CATSPERG: variants seen among roughly 807,000 people sequenced by gnomAD.
The protein encoded by CATSPERG is catsper channel auxiliary subunit gamma.
In CATSPERG, 115 loss-of-function variants were observed where a neutral mutation model predicts 145.0. The ratio of observed to expected loss-of-function variants is 0.79; its 90% CI spans 0.68 to 0.93. The LOEUF is 0.93. Among genes scored for constraint, CATSPERG ranks in the 40% least tolerant of loss-of-function variants. The pLI is 0.00. For synonymous variants in CATSPERG, 588 were observed against 589.0 expected, an observed-to-expected ratio of 1.00 and a Z score of 0.02; for missense variants, 1,296 against 1,490.1, an observed-to-expected ratio of 0.87 and a Z score of 2.14.
At chr19:38,356,131 A>G (rs1455002067) in intron 9 of CATSPERG, among the ~76,000 whole-genome samples, 1 of 152,122 alleles carries the variant, frequency 6.6e-6, no homozygotes, top group African/African-American at 2.4e-5. Flanking sequence ...TCCTCCATGG[A>G]GGTTAAAGGT....
chr19:38,344,340 A>T lies in CATSPERG; in HGVS notation c.641A>T (p.Asn214Ile), dbSNP rs958614806. Reference sequence around the variant, plus strand: ...GGCTTCCTGAAGAGAGACCGGGACAATAACATCCAATTCACTGTGGGAGAG... The same window carrying T: ...GGCTTCCTGAAGAGAGACCGGGACATTAACATCCAATTCACTGTGGGAGAG... ...INGFLKRDRD[N>I]NIQFTVGEEL... The change falls in exon 6 of 29, where the codon AAT becomes ATT. Residue 214 changes from asparagine (N) to isoleucine (I), a missense_variant. Asn to Ile is a moderately radical substitution (Grantham distance 149). Transcript: ENST00000409235. 1.9e-6 allele frequency: 3 copies of T among 1,551,714 alleles called. No homozygotes were observed. Among genetic ancestry groups the T allele is most frequent in the African/African-American group, 2.7e-5 (2 of 73,040 alleles).
intron 3 of CATSPERG, among the ~76,000 whole-genome samples, chr19:38,339,800 G>A (rs1235880356): frequency 4.0e-5 from 6 of 151,860 alleles, no homozygotes; most frequent in Non-Finnish European, 8.8e-5. Context: ...TATATGGTGT[G>A]AGGTCCAAGC....
intron 17 of CATSPERG, 24 bp downstream of exon 17, chr19:38,361,885 C>CG: frequency 6.3e-7 from 1 of 1,580,584 alleles, no homozygotes; most frequent in Non-Finnish European, 8.6e-7. Context: ...GGCGGGCGGG[C>CG]AGGCCTGAGA....
chr19:38,362,583 G>C lies in CATSPERG; in HGVS notation c.2356+9G>C, dbSNP rs755809178. ...GACGCAGTCAGAACTCGGTCTGCGC[G>C]GGACCAGAGTGGAGCCCGAAGGGCG... On this transcript the variant is annotated intron_variant, in intron 19 of 28. Transcript: ENST00000409235. 1.2e-5 allele frequency: 20 copies of C among 1,613,596 alleles called. No individual in the cohort carries two copies. Among genetic ancestry groups the C allele is most frequent in the Non-Finnish European group, 1.7e-5 (20 of 1,179,918 alleles).
intron 4 of CATSPERG, 92 bp downstream of exon 4, chr19:38,343,816 G>C (rs1969978360): frequency 6.9e-7 from 1 of 1,452,236 alleles, no homozygotes; most frequent in African/African-American, 1.4e-5. Flanking sequence ...AGGAGGGTAT[G>C]TGGGGGGCGG....
intron 6 of CATSPERG, among the ~76,000 whole-genome samples, chr19:38,344,892 TATATA>T (rs1970009423): frequency 9.3e-6 from 1 of 107,346 alleles, no homozygotes; most frequent in Non-Finnish European, 1.9e-5. Flanking sequence ...CATATATATA[TATATA>T]TATATTTTTT....
intron 21 of CATSPERG, 42 bp from the exon 22 acceptor site, chr19:38,365,019 G>T (rs1970423992): frequency 3.7e-6 from 6 of 1,613,754 alleles, no homozygotes; most frequent in Non-Finnish European, 5.1e-6. Context: ...GGGAAAGCCT[G>T]GGCCGGCGGG....
At chr19:38,343,952 G>A (rs1484851633) in intron 4 of CATSPERG, 41 bp from the exon 5 acceptor site, 6 of 1,545,114 alleles carry the variant, frequency 3.9e-6, no homozygotes, top group Non-Finnish European at 5.2e-6. Flanking sequence ...ACCGGCCATT[G>A]GGAGGCCCCA....
chr19:38,357,952 GAAAA>G (rs796672861), intron 11 of CATSPERG: 3 of 220,916 alleles, frequency 1.4e-5, no homozygotes, highest in African/African-American at 7.2e-5. Flanking sequence ...ACTCCATCTC[GAAAA>G]AAAAAAAAAT....
chr19:38,343,728 G>T lies in CATSPERG; in HGVS notation c.469+4G>T, dbSNP rs760337889. 1 of 1,549,444 alleles carries T rather than the reference G, an allele frequency of 6.5e-7. No homozygotes were observed. The highest frequency in any genetic ancestry group is 1.2e-5 in the South Asian group (1 of 84,040). ...GCTGCCCCCTTCCGCAGCAAAGGTGGGCCTGGGGGAGGCGGGAGGGATCGC... is the reference window on the plus strand; with the variant it reads ...GCTGCCCCCTTCCGCAGCAAAGGTGTGCCTGGGGGAGGCGGGAGGGATCGC... On this transcript the variant is annotated splice_donor_region_variant and intron_variant, in intron 4 of 28. Transcript: ENST00000409235.
intron 3 of CATSPERG, among the ~76,000 whole-genome samples, chr19:38,341,595 C>A (rs1006212969): frequency 1.3e-5 from 2 of 152,068 alleles, no homozygotes; most frequent in African/African-American, 2.4e-5. Context: ...GAGACCCTGT[C>A]TCTACAAAAA....
In CATSPERG at chr19:38,358,305, A is replaced by G; in HGVS notation, c.1343A>G (p.His448Arg). Residue 448 changes from histidine to arginine, a missense_variant, in exon 12 of 29, where the codon CAC becomes CGC. By Grantham distance (29) the His-to-Arg change is conservative. Transcript: ENST00000409235. Reference sequence around the variant, plus strand: ...AGTGATGACCTGGAACTTCTCTACCACATCCCAGAATTCATCCCTGAAGGT... The same window carrying G: ...AGTGATGACCTGGAACTTCTCTACCGCATCCCAGAATTCATCCCTGAAGGT... ...TASDDLELLYHIPEFIPEARG... is the reference protein window; with the variant it reads ...TASDDLELLYRIPEFIPEARG... 1 of 1,614,148 alleles carries G rather than the reference A, an allele frequency of 6.2e-7. No individual in the cohort carries two copies. Among genetic ancestry groups the G allele is most frequent in the African/African-American group, 1.3e-5 (1 of 75,028 alleles).
At chr19:38,367,335 T>C (rs751366922) in intron 23 of CATSPERG, 23 bp downstream of exon 23, 11 of 1,605,008 alleles carry the variant, frequency 6.9e-6, no homozygotes, top group Non-Finnish European at 9.3e-6. Context: ...TCCCTTCCCC[T>C]GCACAGTTCA....
chr19:38,337,566 G>T, intron 2 of CATSPERG, 27 bp from the exon 3 acceptor site: 1 of 1,551,822 alleles, frequency 6.4e-7, no homozygotes, highest in Non-Finnish European at 8.7e-7. Flanking sequence ...CTCATTTCTG[G>T]ACGTGTGGCC....
chr19:38,360,664 T>A lies in CATSPERG; in HGVS notation c.1767+17T>A. ...CTGTACCAGGTGCCCGGTGGAGCTA[T>A]GCGGGGACATCGGGGCACCCCAGGA... On this transcript the variant is annotated intron_variant, in intron 15 of 28. Coordinates refer to ENST00000409235, the MANE Select transcript of CATSPERG (RefSeq NM_021185.5). The A allele has an allele frequency of 6.2e-7, 1 of 1,614,146 alleles. No homozygotes were observed. Among genetic ancestry groups the A allele is most frequent in the Non-Finnish European group, 8.5e-7 (1 of 1,179,996 alleles).
At chr19:38,344,551 T>A (rs995530991) in intron 6 of CATSPERG, among the ~76,000 whole-genome samples, 183 bp downstream of exon 6, 1 of 151,978 alleles carries the variant, frequency 6.6e-6, no homozygotes, top group Non-Finnish European at 1.5e-5. Context: ...TACTCCATTA[T>A]AAAGAGGAGA....
At chr19:38,341,304 A>G (rs1969934604) in intron 3 of CATSPERG, among the ~76,000 whole-genome samples, 1 of 152,150 alleles carries the variant, frequency 6.6e-6, no homozygotes, top group African/African-American at 2.4e-5. Context: ...GCAGTGAGAC[A>G]AGGAGGAGGC....
chr19:38,360,816 C>G lies in CATSPERG; in HGVS notation c.1853C>G (p.Thr618Ser). The change falls in exon 16 of 29, where the codon ACC becomes AGC. Residue 618 changes from threonine to serine, a missense_variant. Transcript: ENST00000409235. The stretch of plus-strand genomic sequence containing the variant: ...CAGCTTCTGATGTATCAACAGCACA[C>G]CAGCCACTATGACTTGGAGCGGAAA... ...VEQLLMYQQH[T>S]SHYDLERKGG... 6.2e-7 allele frequency: 1 copy of G among 1,612,098 alleles called. No individual in the cohort carries two copies.
chr19:38,367,612 G>A, intron 24 of CATSPERG, 40 bp downstream of exon 24: 1 of 1,612,458 alleles, frequency 6.2e-7, no homozygotes, highest in Non-Finnish European at 8.5e-7. Flanking sequence ...CAGGTGGAGG[G>A]AGTGGAAGGA....
Sources: gnomAD v4.1 joint callset for allele counts (sites outside exome capture counted in the v4.1 genomes callset) on GRCh38, gnomAD v4.1.1 for gene constraint, MANE v1.5 for transcripts, NCBI Gene and HGNC (gene_info 2026-07-23, HGNC 2026-07-21) for gene names.